The following CAPN2 variants were observed in gnomAD, a reference collection of about 807,000 sequenced individuals.
CAPN2 encodes the protein calpain 2.
A neutral mutation model predicts 102.3 loss-of-function variants in CAPN2; 92 were observed. That is an observed-to-expected ratio of 0.90 (90% CI 0.76 to 1.07). The LOEUF (loss-of-function observed/expected upper bound fraction) is 1.07. Ranked by LOEUF, CAPN2 falls within the 50% of genes least tolerant of loss-of-function variation. CAPN2 has a pLI of 0.00. For synonymous variants in CAPN2, 340 were observed against 355.4 expected, an observed-to-expected ratio of 0.96 and a Z score of 0.49; for missense variants, 800 against 909.4, an observed-to-expected ratio of 0.88 and a Z score of 1.55.
intron 2 of CAPN2, among the ~76,000 whole-genome samples, chr1:223,737,745 C>A (rs1660502373): frequency 1.5e-5 from 2 of 132,218 alleles, no homozygotes; most frequent in Admixed American, 8.1e-5. Flanking sequence ...ACACCATGTA[C>A]TGTAAAGAAA....
Position 223,754,765 on chromosome 1 carries a change from G to A in CAPN2, c.1136-715G>A, listed in dbSNP as rs1660989336. On this transcript the variant is annotated intron_variant, in intron 9 of 20. Transcript: ENST00000295006. This position sits in a 1 kb window ranked among gnomAD's most constrained non-coding sequence, Gnocchi z 4.7. ...AGGACAAGGGACGCAGAACAAGAAA[G>A]AGTCTGGAATTATACACAGGATGTT... is the stretch of plus-strand genomic sequence containing the variant. 6.6e-6 allele frequency among the ~76,000 whole-genome samples: 1 copy of A among 152,208 alleles called. No individual in the cohort carries two copies. Among genetic ancestry groups the A allele is most frequent in the Non-Finnish European group, 1.5e-5 (1 of 68,034 alleles).
intron 2 of CAPN2, among the ~76,000 whole-genome samples, chr1:223,718,883 G>C (rs1659954451): frequency 6.6e-6 from 1 of 152,218 alleles, no homozygotes; most frequent in African/African-American, 2.4e-5. Context: ...TAAAGTGGTG[G>C]CTGGTACCCC....
chr1:223,741,445 T>C (rs1431367858), intron 2 of CAPN2, among the ~76,000 whole-genome samples: 1 of 98,340 alleles, frequency 1.0e-5, no homozygotes, highest in African/African-American at 6.5e-5. Flanking sequence ...AATGTGTATA[T>C]ATATATATAT....
chr1:223,755,651 T>C lies in CAPN2; in HGVS notation c.1305+2T>C. On this transcript the variant is annotated splice_donor_variant, in intron 10 of 20. Coordinates refer to ENST00000295006, the MANE Select transcript of CAPN2 (RefSeq NM_001748.5). LOFTEE classifies it high-confidence loss of function. The surrounding 1 kb of genome is among the most constrained non-coding windows in gnomAD (Gnocchi z 4.1). ...ACCATCGGCTTTGGCATCTATGAGG[T>C]GCAGAGCGCAGGGGCTCCTGCCCTC... 1 of 1,582,436 alleles carries C rather than the reference T, an allele frequency of 6.3e-7. No homozygotes were observed. Among genetic ancestry groups the C allele is most frequent in the East Asian group, 2.3e-5 (1 of 44,410 alleles).
chr1:223,712,786 C>A lies in CAPN2; in HGVS notation c.146C>A (p.Pro49Gln). ...CLEAGTLFQD[P>Q]SFPAIPSALG... is the part of the protein sequence containing the mutation. The stretch of plus-strand genomic sequence containing the variant: ...GAGGCCGGGACGCTCTTCCAGGACC[C>A]GTCCTTCCCGGCCATCCCCTCGGCC... Residue 49 changes from proline (P) to glutamine (Q), a missense_variant, in exon 1 of 21, where the codon CCG becomes CAG. Transcript: ENST00000295006. The A allele has an allele frequency of 6.3e-7, 1 of 1,578,790 alleles. No individual in the cohort carries two copies. The highest frequency in any genetic ancestry group is 1.4e-5 in the African/African-American group (1 of 72,374).
rs1297764368 is a variant in CAPN2, at chr1:223,752,923, G to T, written c.1102G>T (p.Gly368Cys). 6.2e-7 allele frequency: 1 copy of T among 1,613,988 alleles called. No individual in the cohort carries two copies. The highest frequency in any genetic ancestry group is 8.5e-7 in the Non-Finnish European group (1 of 1,180,026). The stretch of plus-strand genomic sequence containing the variant: ...CAAAATGGATGGGAACTGGAGGCGG[G>T]GCTCCACCGCGGGAGGTTGCAGGAA... ...LTKMDGNWRR[G>C]STAGGCRNYP... Residue 368 changes from glycine (G) to cysteine (C), a missense_variant, in exon 9 of 21, where the codon GGC becomes TGC. Gly to Cys is a radical substitution (Grantham distance 159). Coordinates refer to ENST00000295006, the MANE Select transcript of CAPN2 (RefSeq NM_001748.5).
At chr1:223,714,848 C>T (rs541213510) in intron 1 of CAPN2, among the ~76,000 whole-genome samples, 24 of 152,148 alleles carry the variant, frequency 1.6e-4, no homozygotes, top group Non-Finnish European at 3.2e-4. Context: ...GACAGGTCCC[C>T]CAACAGTTGG....
upstream of CAPN2, among the ~76,000 whole-genome samples, chr1:223,709,478 T>C (rs1192565995): frequency 6.6e-6 from 1 of 151,664 alleles, no homozygotes; most frequent in Non-Finnish European, 1.5e-5. Flanking sequence ...CTAGCCAACG[T>C]GGAGAAACCC....
intron 8 of CAPN2, among the ~76,000 whole-genome samples, chr1:223,752,559 T>C (rs1660929981): frequency 6.6e-6 from 1 of 152,160 alleles, no homozygotes; most frequent in Non-Finnish European, 1.5e-5. Context: ...TTTTTGCAGG[T>C]GAGAGTTCTG....
At chr1:223,770,630 T>C (rs1251913494) in intron 18 of CAPN2, 105 bp downstream of exon 18, 11 of 745,252 alleles carry the variant, frequency 1.5e-5, no homozygotes, top group Non-Finnish European at 2.2e-5. Context: ...AGCTATAAAA[T>C]AAAGTAGGTG....
In CAPN2 at chr1:223,769,843, G is replaced by T; in HGVS notation, c.1758G>T (p.Ser586=). Residue 586 remains serine (S), a splice_region_variant and synonymous_variant, in exon 17 of 21, where the codon TCG becomes TCT. Coordinates refer to ENST00000295006, the MANE Select transcript of CAPN2 (RefSeq NM_001748.5). Reference sequence around the variant, plus strand: ...GGGCTTTCCTTGACTGAAGGCAGTCGGACGGGAGTGGCAAGCTGGGGCTGA... The same window carrying T: ...GGGCTTTCCTTGACTGAAGGCAGTCTGACGGGAGTGGCAAGCTGGGGCTGA... ...TCKIMVDMLD[S]DGSGKLGLKE... is the part of the protein sequence containing the mutation. 6.2e-7 allele frequency: 1 copy of T among 1,608,014 alleles called. No homozygotes were observed. Among genetic ancestry groups the T allele is most frequent in the Non-Finnish European group, 8.5e-7 (1 of 1,176,970 alleles).
intron 14 of CAPN2, 119 bp from the exon 15 acceptor site, chr1:223,764,031 G>A (rs1467641740): frequency 1.3e-6 from 1 of 777,002 alleles, no homozygotes; most frequent in Non-Finnish European, 2.3e-6. Flanking sequence ...TCGGGGGCTT[G>A]TTAGAAATGC....
In CAPN2 at chr1:223,770,478, C is replaced by A. The variant is rs1373392446; in HGVS notation, c.1856C>A (p.Ser619Tyr). 1.2e-6 allele frequency: 2 copies of A among 1,613,846 alleles called. No individual in the cohort carries two copies. The highest frequency in any genetic ancestry group is 1.7e-5 in the Admixed American group (1 of 60,008). The change falls in exon 18 of 21, where the codon TCT (serine) becomes TAT (tyrosine). Residue 619 changes from serine (S) to tyrosine (Y), a missense_variant. By Grantham distance (144) the Ser-to-Tyr change is moderately radical. Coordinates refer to ENST00000295006, the MANE Select transcript of CAPN2 (RefSeq NM_001748.5). ...TACCGAGAAATCGACGTTGACAGGTCTGGTACCATGAATTCCTATGAAATG... is the reference window on the plus strand; with the variant it reads ...TACCGAGAAATCGACGTTGACAGGTATGGTACCATGAATTCCTATGAAATG... Reference protein sequence around the residue: ...KIYREIDVDRSGTMNSYEMRK... With the variant: ...KIYREIDVDRYGTMNSYEMRK...
intron 5 of CAPN2, among the ~76,000 whole-genome samples, chr1:223,748,712 A>G (rs575839564): frequency 4.1e-5 from 6 of 148,062 alleles, no homozygotes; most frequent in East Asian, 2.0e-4. Context: ...GACCCCCTCC[A>G]GCCCTCTCTC....
chr1:223,750,068 C>T (rs748050317), intron 6 of CAPN2, among the ~76,000 whole-genome samples: 3 of 152,110 alleles, frequency 2.0e-5, no homozygotes, highest in Admixed American at 6.6e-5. Context: ...CAGTCTAGAC[C>T]GCAGATCTTC....
rs1453843989 is a variant in CAPN2, at chr1:223,757,000, G to A, written c.1306-369G>A. ...CCACTGGACCTGGCTGACAGAGGCC[G>A]GCACTGCTGGCTCCTAGCCCCAGGT... On this transcript the variant is annotated intron_variant, in intron 10 of 20. Transcript: ENST00000295006. This position sits in a 1 kb window ranked among gnomAD's most constrained non-coding sequence, Gnocchi z 4.1. Among the ~76,000 whole-genome samples, 4 of 152,320 alleles carry A rather than the reference G, an allele frequency of 2.6e-5. No individual in the cohort carries two copies. The highest frequency in any genetic ancestry group is 3.9e-4 in the East Asian group (2 of 5,176).
At chr1:223,765,170 T>C (rs1215359141) in intron 15 of CAPN2, among the ~76,000 whole-genome samples, 1 of 152,224 alleles carries the variant, frequency 6.6e-6, no homozygotes. Context: ...AGAAGCCTCA[T>C]GGACTTCAAG....
In CAPN2 at chr1:223,752,837, A is replaced by T; in HGVS notation, c.1016A>T (p.Glu339Val). 3.7e-6 allele frequency: 6 copies of T among 1,614,138 alleles called. No homozygotes were observed. The highest frequency in any genetic ancestry group is 5.1e-6 in the Non-Finnish European group (6 of 1,180,030). Reference protein sequence around the residue: ...SDFLRHYSRLEICNLTPDTLT... With the variant: ...SDFLRHYSRLVICNLTPDTLT... ...TTCCTGAGGCACTATTCCCGCCTGG[A>T]GATCTGTAACCTGACCCCAGACACT... is the stretch of plus-strand genomic sequence containing the variant. Residue 339 changes from glutamate to valine, a missense_variant, in exon 9 of 21, where the codon GAG becomes GTG. Transcript: ENST00000295006.
At chr1:223,704,754 C>A in intron 1 of CAPN2, among the ~76,000 whole-genome samples, 1 of 152,010 alleles carries the variant, frequency 6.6e-6, no homozygotes, top group Non-Finnish European at 1.5e-5. Context: ...GGGAGGTGGT[C>A]AAGGATATCA....
Sources: gnomAD v4.1 joint callset for allele counts (sites outside exome capture counted in the v4.1 genomes callset) on GRCh38, gnomAD v4.1.1 for gene constraint, Gnocchi (gnomAD v3.1) non-coding constraint, MANE v1.5 for transcripts, NCBI Gene and HGNC (gene_info 2026-07-23, HGNC 2026-07-21) for gene names.